Variants in KIAA0753 observed in about 807,000 individuals in gnomAD.
The protein encoded by KIAA0753 is protein moonraker.
In KIAA0753, 114 loss-of-function variants were observed where a neutral mutation model predicts 116.9. The observed-to-expected ratio is 0.98, with a 90% CI of 0.84 to 1.14. KIAA0753 has a LOEUF of 1.14. Among genes scored for constraint, KIAA0753 ranks in the 50% most tolerant of loss-of-function variants. KIAA0753 has a pLI of 0.00. For missense variants in KIAA0753, 1,156 were observed against 1,172.4 expected, an observed-to-expected ratio of 0.99 and a Z score of 0.20; for synonymous variants, 405 against 413.1, an observed-to-expected ratio of 0.98 and a Z score of 0.24.
chr17:6,613,086 G>C (rs1169643995), intron 7 of KIAA0753, among the ~76,000 whole-genome samples: 1 of 151,986 alleles, frequency 6.6e-6, no homozygotes, highest in Non-Finnish European at 1.5e-5. Flanking sequence ...GCTGAGAAGA[G>C]GGGTCAGCAA....
chr17:6,586,760 C>A (rs1400397729), intron 18 of KIAA0753, among the ~76,000 whole-genome samples: 2 of 152,110 alleles, frequency 1.3e-5, no homozygotes, highest in African/African-American at 4.8e-5. Flanking sequence ...GTTTATATCA[C>A]CTGCTCAAGC....
chr17:6,602,186 A>G (rs1360657334), intron 12 of KIAA0753, among the ~76,000 whole-genome samples: 1 of 152,232 alleles, frequency 6.6e-6, no homozygotes, highest in East Asian at 1.9e-4. Flanking sequence ...ATAAAAAGCT[A>G]CTACTCTGGA....
At chr17:6,593,291 T>C (rs1369189944) in intron 16 of KIAA0753, among the ~76,000 whole-genome samples, 1 of 152,188 alleles carries the variant, frequency 6.6e-6, no homozygotes. Flanking sequence ...ACTCTAGCAC[T>C]TCGGGAGGCC....
intron 18 of KIAA0753, among the ~76,000 whole-genome samples, chr17:6,580,522 T>A (rs189286721): frequency 0.021 from 3,127 of 152,138 alleles, 101 homozygotes; most frequent in African/African-American, 0.07. Flanking sequence ...TTCACCATGT[T>A]AGCCAGGATG....
intron 18 of KIAA0753, among the ~76,000 whole-genome samples, chr17:6,585,088 G>A (rs1040006227): frequency 4.6e-5 from 7 of 152,078 alleles, no homozygotes; most frequent in Admixed American, 1.3e-4. Flanking sequence ...CACCATACCC[G>A]GGCCCTAAAA....
rs1400511879 is a variant in KIAA0753, at chr17:6,579,491, A to G, written c.*256T>C. On this transcript the variant is annotated 3_prime_UTR_variant, in exon 19 of 19. Transcript: ENST00000361413. ...CAATAGGAAAAGTACACATTCTGAA[A>G]ATATTGCCATAATCAAGTTGTGTTG... 2.8e-5 allele frequency: 11 copies of G among 392,426 alleles called. No homozygotes were observed. Among genetic ancestry groups the G allele is most frequent in the Non-Finnish European group, 5.1e-5 (11 of 214,510 alleles). The allele number at this position is 392,426 out of a possible 1,614,324, so 24.3% of individuals were successfully genotyped here.
chr17:6,612,068 G>A lies in KIAA0753; in HGVS notation c.1396C>T (p.Leu466=), dbSNP rs1199465853. 1 of 1,614,104 alleles carries A rather than the reference G, an allele frequency of 6.2e-7. No homozygotes were observed. The highest frequency in any genetic ancestry group is 8.5e-7 in the Non-Finnish European group (1 of 1,179,994). ...ELDVLDADIV[L]EEGPFILDQS... ...TCTAGAATAAATGGTCCTTCTTCCA[G>A]AACTATATCCGCATCTAATACATCA... is the stretch of plus-strand genomic sequence containing the variant. The change falls in exon 8 of 19, where the codon CTG becomes TTG. Residue 466 remains leucine, a synonymous_variant. Transcript: ENST00000361413.
At chr17:6,620,678 G>T in intron 7 of KIAA0753, 110 bp downstream of exon 7, 2 of 1,020,558 alleles carry the variant, frequency 2.0e-6, no homozygotes, top group Non-Finnish European at 3.0e-6. Context: ...AAGTTCATCT[G>T]TTGTGGGCTA....
intron 2 of KIAA0753, among the ~76,000 whole-genome samples, chr17:6,633,315 T>G (rs1972115406): frequency 1.3e-5 from 2 of 152,310 alleles, no homozygotes. Flanking sequence ...GTCAAAAAAT[T>G]TTTTTAAATT....
intron 2 of KIAA0753, among the ~76,000 whole-genome samples, chr17:6,630,383 G>C (rs929923762): frequency 8.5e-5 from 13 of 152,084 alleles, no homozygotes; most frequent in Non-Finnish European, 1.3e-4. Flanking sequence ...GGTGCTGGTG[G>C]TCATGCAAAT....
At chr17:6,591,067 A>AGAAGGAAGAAGGAAGAAG (rs1567540914) in intron 16 of KIAA0753, among the ~76,000 whole-genome samples, 3 of 63,062 alleles carry the variant, frequency 4.8e-5, no homozygotes, top group South Asian at 1.2e-3. Context: ...AAGAAGAAGA[A>AGAAGGAAGAAGGAAGAAG]GAAGAAGAAG....
At position 6,589,900 on chromosome 17, in the gene KIAA0753, G is replaced by T. The variant is rs759539477; in HGVS notation, c.2665C>A (p.Leu889Ile). 1 of 1,613,660 alleles carries T rather than the reference G, an allele frequency of 6.2e-7. No individual in the cohort carries two copies. The highest frequency in any genetic ancestry group is 1.3e-5 in the African/African-American group (1 of 74,896). The change falls in exon 18 of 19, where the codon CTC becomes ATC. Residue 889 changes from leucine to isoleucine, a missense_variant. Coordinates refer to ENST00000361413, the MANE Select transcript of KIAA0753 (RefSeq NM_014804.3). Reference protein sequence around the residue: ...DSQQKEGRAPLFVPPGMQHSI... With the variant: ...DSQQKEGRAPIFVPPGMQHSI... ...TGCTGCATACCCGGTGGGACAAAGA[G>T]GGGAGCTCGGCCTTCTTTCTGTTGA...
chr17:6,608,572 T>G (rs1294869157), intron 9 of KIAA0753, 108 bp from the exon 10 acceptor site: 2 of 520,132 alleles, frequency 3.8e-6, no homozygotes, highest in African/African-American at 3.9e-5. Flanking sequence ...TTAATGGTGA[T>G]CTGTAGCACG....
Position 6,579,531 on chromosome 17 carries a change from A to G in KIAA0753, c.*216T>C, listed in dbSNP as rs1231781990. 4 of 497,370 alleles carry G rather than the reference A, an allele frequency of 8.0e-6. No homozygotes were observed. The highest frequency in any genetic ancestry group is 1.5e-5 in the Non-Finnish European group (4 of 275,790). The allele number at this position is 497,370 out of a possible 1,614,324, so 30.8% of individuals were successfully genotyped here. A position where few individuals can be genotyped will look rare whatever the true frequency, so the allele number is the denominator to read the frequency against. On this transcript the variant is annotated 3_prime_UTR_variant, in exon 19 of 19. Coordinates refer to ENST00000361413, the MANE Select transcript of KIAA0753 (RefSeq NM_014804.3). Reference sequence around the variant, plus strand: ...AAGTTGTGTTGCCTGGGCACTGATAAGTGTGATACATTGCATCATACATTT... The same window carrying G: ...AAGTTGTGTTGCCTGGGCACTGATAGGTGTGATACATTGCATCATACATTT...
chr17:6,606,721 A>C, intron 12 of KIAA0753, 152 bp downstream of exon 12: 1 of 566,276 alleles, frequency 1.8e-6, no homozygotes. Context: ...TCCTAGCAAA[A>C]AAATATGGTA....
In KIAA0753 at chr17:6,611,977, G is replaced by A; in HGVS notation, c.1487C>T (p.Pro496Leu). The A allele has an allele frequency of 6.2e-7, 1 of 1,614,134 alleles. No individual in the cohort carries two copies. The highest frequency in any genetic ancestry group is 8.5e-7 in the Non-Finnish European group (1 of 1,180,032). The change falls in exon 8 of 19, where the codon CCT becomes CTT. Residue 496 changes from proline to leucine, a missense_variant. By Grantham distance (98) the Pro-to-Leu change is moderately conservative. Coordinates refer to ENST00000361413, the MANE Select transcript of KIAA0753 (RefSeq NM_014804.3). ...CCTAAACGGCACATTCTCAGTCACA[G>A]GCTTCTTTTTCCCTGCTTTTGTTTT... is the stretch of plus-strand genomic sequence containing the variant. Reference protein sequence around the residue: ...VAKTKAGKKKPVTENVPFRKK... With the variant: ...VAKTKAGKKKLVTENVPFRKK...
intron 16 of KIAA0753, among the ~76,000 whole-genome samples, chr17:6,592,152 A>G (rs754506479): frequency 1.3e-4 from 20 of 152,230 alleles, no homozygotes; most frequent in Non-Finnish European, 2.6e-4. Flanking sequence ...AGGGGAAGAG[A>G]GAACAACAGT....
chr17:6,632,645 A>C (rs546640863), intron 2 of KIAA0753, among the ~76,000 whole-genome samples: 35 of 152,372 alleles, frequency 2.3e-4, no homozygotes, highest in African/African-American at 7.2e-4. Context: ...TGAAAAAACC[A>C]GGCAGATACC....
At chr17:6,628,787 A>G in intron 2 of KIAA0753, 46 bp from the exon 3 acceptor site, 3 of 1,528,880 alleles carry the variant, frequency 2.0e-6, no homozygotes, top group Non-Finnish European at 2.6e-6. Flanking sequence ...AAAATTTCAT[A>G]TTGCACAGTT....
Sources: allele counts gnomAD v4.1 joint callset (sites outside exome capture counted in the v4.1 genomes callset), GRCh38; gene constraint gnomAD v4.1.1; transcripts MANE v1.5; gene names NCBI Gene and HGNC (gene_info 2026-07-23, HGNC 2026-07-21).